The following MOB4 variants were observed in gnomAD, a reference collection of about 807,000 sequenced individuals.
MOB4 encodes MOB-like protein phocein.
In MOB4, 4 loss-of-function variants were observed where a neutral mutation model predicts 32.2. The observed-to-expected ratio is 0.12, with a 90% CI of 0.06 to 0.28. MOB4 has a LOEUF of 0.28. Ranked by LOEUF, MOB4 falls within the 10% of genes least tolerant of loss-of-function variation. MOB4 has a pLI of 1.00. For synonymous variants in MOB4, 88 were observed against 88.1 expected (o/e 1.00, Z 0.01); for missense variants, 158 against 271.2 (o/e 0.58, Z 2.93).
intron 5 of MOB4, among the ~76,000 whole-genome samples, chr2:197,542,366 G>A (rs1311564051): frequency 6.6e-6 from 1 of 152,206 alleles, no homozygotes; most frequent in African/African-American, 2.4e-5. Context: ...TGGAGTTACT[G>A]TAAAAATACA....
chr2:197,517,625 G>A (rs1314807378), intron 1 of MOB4, among the ~76,000 whole-genome samples: 1 of 151,944 alleles, frequency 6.6e-6, no homozygotes, highest in Non-Finnish European at 1.5e-5. Flanking sequence ...AAGTCACATA[G>A]AAGAAAACTT....
rs547682846 is a variant in MOB4, at chr2:197,522,519, CG to C, written c.61-1101del. 1.7e-3 allele frequency among the ~76,000 whole-genome samples: 258 copies of C among 151,020 alleles called. 2 individuals carry two copies. Among genetic ancestry groups the C allele is most frequent in the African/African-American group, 6.0e-3 (246 of 41,226 alleles). On this transcript the variant is annotated intron_variant, in intron 1 of 7. Coordinates refer to ENST00000323303, the MANE Select transcript of MOB4 (RefSeq NM_015387.5). ...CTATTTTTTGTATTTTTAGTAGAGA[CG>C]GGGTTTCATCATGTTGGCCAGGCTG...
At chr2:197,516,443 C>G (rs2086413224) in intron 1 of MOB4, 3 of 1,242,540 alleles carry the variant, frequency 2.4e-6, no homozygotes, top group Admixed American at 3.1e-5. Context: ...ACGGCTTCTT[C>G]TCGCCTTGCC....
intron 2 of MOB4, among the ~76,000 whole-genome samples, chr2:197,534,520 A>G (rs534206640): frequency 6.6e-6 from 1 of 152,220 alleles, no homozygotes; most frequent in African/African-American, 2.4e-5. Context: ...AGCCATCACT[A>G]CAGTCTAATT....
chr2:197,535,712 T>C (rs745505800), intron 3 of MOB4, 82 bp downstream of exon 3: 80 of 1,498,862 alleles, frequency 5.3e-5, no homozygotes, highest in Non-Finnish European at 6.7e-5. Context: ...TTGTAAAATT[T>C]ACTATGTAAC....
At chr2:197,523,767 G>A in intron 2 of MOB4, 81 bp downstream of exon 2, 1 of 1,371,570 alleles carries the variant, frequency 7.3e-7, no homozygotes, top group East Asian at 2.4e-5. Context: ...TTGTCTGTTG[G>A]TCACTGTGCA....
chr2:197,532,966 G>C (rs879864869), intron 2 of MOB4, among the ~76,000 whole-genome samples: 1 of 151,996 alleles, frequency 6.6e-6, no homozygotes, highest in African/African-American at 2.4e-5. Flanking sequence ...GGGCATGGTG[G>C]CGCATGTCTA....
chr2:197,523,832 C>G (rs191221622), intron 2 of MOB4, 146 bp downstream of exon 2: 3 of 647,748 alleles, frequency 4.6e-6, no homozygotes, highest in Non-Finnish European at 7.4e-6. Context: ...AAAATAGTTC[C>G]TTTTACAACT....
chr2:197,522,296 A>AT (rs984265459), intron 1 of MOB4, among the ~76,000 whole-genome samples: 4 of 51,442 alleles, frequency 7.8e-5, no homozygotes, highest in Non-Finnish European at 9.0e-5. Context: ...CATTCTTTCT[A>AT]TTTTTTTTGT....
intron 1 of MOB4, among the ~76,000 whole-genome samples, chr2:197,521,650 C>G (rs1449790355): frequency 1.3e-5 from 2 of 152,216 alleles, no homozygotes; most frequent in Non-Finnish European, 2.9e-5. Flanking sequence ...GACCCACCCC[C>G]AGGCGTGTAT....
intron 1 of MOB4, chr2:197,516,490 C>A (rs1341493156): frequency 2.2e-6 from 2 of 910,822 alleles, no homozygotes; most frequent in African/African-American, 1.7e-5. Context: ...AGGGGCGCGA[C>A]CAGCCTGGTG....
At chr2:197,525,699 G>T (rs1467624242) in intron 2 of MOB4, among the ~76,000 whole-genome samples, 1 of 141,138 alleles carries the variant, frequency 7.1e-6, no homozygotes, top group African/African-American at 2.7e-5. Context: ...TGGTGACAGA[G>T]ACCCTATCTC....
chr2:197,529,288 A>G (rs1213929535), intron 2 of MOB4, among the ~76,000 whole-genome samples: 1 of 152,018 alleles, frequency 6.6e-6, no homozygotes, highest in Non-Finnish European at 1.5e-5. Context: ...TCTAAATAAT[A>G]TTTTTGTTAG....
chr2:197,518,681 GCCT>G (rs2086460239), intron 1 of MOB4, among the ~76,000 whole-genome samples: 1 of 151,992 alleles, frequency 6.6e-6, no homozygotes. Context: ...TCCTGCCTCA[GCCT>G]CCTGAGTAGC....
intron 2 of MOB4, among the ~76,000 whole-genome samples, chr2:197,529,742 C>T (rs1157050985): frequency 1.3e-5 from 2 of 151,748 alleles, no homozygotes; most frequent in Non-Finnish European, 2.9e-5. Flanking sequence ...CCAACCTCTG[C>T]CTCCAGATTC....
At chr2:197,528,214 C>T (rs2086640688) in intron 2 of MOB4, among the ~76,000 whole-genome samples, 2 of 152,190 alleles carry the variant, frequency 1.3e-5, no homozygotes, top group East Asian at 1.9e-4. Flanking sequence ...TTTGTTCCTT[C>T]TGGGCTTTTC....
intron 6 of MOB4, among the ~76,000 whole-genome samples, chr2:197,549,219 A>T (rs2087051712): frequency 6.6e-6 from 1 of 151,860 alleles, no homozygotes; most frequent in Admixed American, 6.6e-5. Flanking sequence ...CAAGAGCGAA[A>T]CTGTCTCAAA....
At chr2:197,533,383 T>TA (rs1036395673) in intron 2 of MOB4, among the ~76,000 whole-genome samples, 82 of 151,530 alleles carry the variant, frequency 5.4e-4, no homozygotes, top group African/African-American at 1.8e-3. Flanking sequence ...TAGGATGAGA[T>TA]AAAAAAAATC....
chr2:197,540,568 G>A, intron 5 of MOB4, 131 bp downstream of exon 5: 1 of 913,372 alleles, frequency 1.1e-6, no homozygotes, highest in Non-Finnish European at 1.5e-6. Context: ...GTTGCTTGTT[G>A]TGAAGTTGTT....
Sources: gnomAD v4.1 joint callset for allele counts (sites outside exome capture counted in the v4.1 genomes callset) on GRCh38, gnomAD v4.1.1 for gene constraint, MANE v1.5 for transcripts, NCBI Gene and HGNC (gene_info 2026-07-23, HGNC 2026-07-21) for gene names.